The following KIF26B variants were observed in gnomAD, a reference collection of about 807,000 sequenced individuals.
KIF26B encodes the protein kinesin-like protein KIF26B.
Under a neutral mutation model 151.2 loss-of-function variants are expected in KIF26B, and 63 were observed. That is an observed-to-expected ratio of 0.42 (90% confidence interval 0.34 to 0.51). The LOEUF (loss-of-function observed/expected upper bound fraction) is 0.51. Ranked by LOEUF, KIF26B falls within the 20% of genes least tolerant of loss-of-function variation. The probability of loss-of-function intolerance (pLI) is 0.07; values close to 1 mark genes in which losing one functional copy is unlikely to be tolerated. For missense variants in KIF26B, 2,813 were observed against 2,913.6 expected, an observed-to-expected ratio of 0.97 and a Z score of 0.79; for synonymous variants, 1,357 against 1,262.1, an observed-to-expected ratio of 1.08 and a Z score of -1.59.
chr1:245,409,252 A>G (rs912521245), intron 3 of KIF26B, among the ~76,000 whole-genome samples: 1 of 152,204 alleles, frequency 6.6e-6, no homozygotes, highest in African/African-American at 2.4e-5. Flanking sequence ...CTTAAGCCAC[A>G]CATGTTGGAA....
At chr1:245,242,239 C>T (rs547194791) in intron 2 of KIF26B, among the ~76,000 whole-genome samples, 8 of 152,196 alleles carry the variant, frequency 5.3e-5, no homozygotes, top group South Asian at 2.1e-4. Flanking sequence ...CCTTCCCCCC[C>T]CAAAATAGGG....
At chr1:245,598,498 G>C (rs115318695) in intron 5 of KIF26B, among the ~76,000 whole-genome samples, 4 of 152,154 alleles carry the variant, frequency 2.6e-5, no homozygotes, top group African/African-American at 9.7e-5. Flanking sequence ...ATGTGGCTAC[G>C]CTCCGTGACG....
At chr1:245,485,959 C>T (rs150902957) in intron 4 of KIF26B, among the ~76,000 whole-genome samples, 2 of 152,276 alleles carry the variant, frequency 1.3e-5, no homozygotes, top group African/African-American at 2.4e-5. Context: ...GAGTATTTTT[C>T]GTGGTGGCAA....
intron 4 of KIF26B, among the ~76,000 whole-genome samples, chr1:245,439,233 G>C (rs192088): frequency 5.3e-5 from 8 of 151,990 alleles, no homozygotes; most frequent in Middle Eastern, 3.4e-3. Flanking sequence ...TGTAGTCCTA[G>C]CTGCTCTGGA....
chr1:245,472,696 G>C (rs1659941481), intron 4 of KIF26B, among the ~76,000 whole-genome samples: 1 of 152,174 alleles, frequency 6.6e-6, no homozygotes. Context: ...TCTTTCTCTG[G>C]CTCACTTCAC....
At chr1:245,551,820 G>T (rs553119090) in intron 5 of KIF26B, among the ~76,000 whole-genome samples, 2 of 152,240 alleles carry the variant, frequency 1.3e-5, no homozygotes, top group South Asian at 4.2e-4. Context: ...TCCTTGGGGA[G>T]GCTTTCCCTG....
At chr1:245,169,327 T>TGGTGTGTGGGTG (rs1553330288) in intron 2 of KIF26B, among the ~76,000 whole-genome samples, 10 of 135,420 alleles carry the variant, frequency 7.4e-5, no homozygotes, top group South Asian at 2.4e-4. Context: ...TAACGGGCCA[T>TGGTGTGTGGGTG]GGTGTGTGTG....
intron 5 of KIF26B, among the ~76,000 whole-genome samples, chr1:245,545,774 G>T (rs1661728723): frequency 6.9e-6 from 1 of 144,022 alleles, no homozygotes; most frequent in Non-Finnish European, 1.5e-5. Flanking sequence ...ATTCTAATCT[G>T]TTTGAAAACG....
intron 4 of KIF26B, among the ~76,000 whole-genome samples, chr1:245,425,354 C>T (rs1396772402): frequency 2.0e-5 from 3 of 152,080 alleles, no homozygotes. Context: ...TTTGGGTGAC[C>T]TCATATCTTT....
chr1:245,245,220 C>A (rs1300762393), intron 2 of KIF26B, among the ~76,000 whole-genome samples: 1 of 152,156 alleles, frequency 6.6e-6, no homozygotes, highest in African/African-American at 2.4e-5. Flanking sequence ...AGCGATCTGG[C>A]CTTTGTCCCT....
At position 245,366,948 on chromosome 1, in the gene KIF26B, T is replaced by A; in HGVS notation, c.580T>A (p.Leu194Met). ...CDICATHLNQ[L>M]KQEAIQMVLT... The stretch of plus-strand genomic sequence containing the variant: ...CATTTGCGCCACTCACCTGAACCAG[T>A]TGAAGCAGGAGGCCATCCAGATGGT... Residue 194 changes from leucine to methionine, a missense_variant, in exon 3 of 15, where the codon TTG becomes ATG. Around this residue, in one of 3 missense-constraint regions of KIF26B, gnomAD observed 676 missense variants for 688.1 expected, o/e 0.98. Transcript: ENST00000407071. 1.2e-6 allele frequency: 2 copies of A among 1,613,998 alleles called. No homozygotes were observed.
Position 245,708,877 on chromosome 1 carries a change from G to A in KIF26B, c.*6271G>A, listed in dbSNP as rs561524292. On this transcript the variant is annotated 3_prime_UTR_variant, in exon 15 of 15. Transcript: ENST00000407071. ...GAAATGGGCCCATTTGAAAAGTGGAGACAAGGTCTGCCCAGGTGCATTTAT... is the reference window on the plus strand; with the variant it reads ...GAAATGGGCCCATTTGAAAAGTGGAAACAAGGTCTGCCCAGGTGCATTTAT... 2.0e-4 allele frequency: 31 copies of A among 152,314 alleles called. No individual in the cohort carries two copies. The highest frequency in any genetic ancestry group is 6.2e-4 in the South Asian group (3 of 4,826). 9.4% of individuals were successfully genotyped at this position (152,314 alleles called of 1,614,324 possible).
At position 245,667,724 on chromosome 1, in the gene KIF26B, A is replaced by G. The variant is rs189743981; in HGVS notation, c.2259-16509A>G. On this transcript the variant is annotated intron_variant, in intron 10 of 14. Coordinates refer to ENST00000407071, the MANE Select transcript of KIF26B (RefSeq NM_018012.4). This position sits in a 1 kb window ranked among gnomAD's most constrained non-coding sequence, Gnocchi z 4.3. Reference sequence around the variant, plus strand: ...CTCCAGGAAGGAGGTGGCAGGAGTGACATTTGGGCCATCCAGGCAACTCAC... The same window carrying G: ...CTCCAGGAAGGAGGTGGCAGGAGTGGCATTTGGGCCATCCAGGCAACTCAC... Among the ~76,000 whole-genome samples, 370 of 152,308 alleles carry G rather than the reference A, an allele frequency of 2.4e-3. 1 individual carries two copies. Among genetic ancestry groups the G allele is most frequent in the Middle Eastern group, 6.8e-3 (2 of 294 alleles).
At chr1:245,382,859 C>T (rs1004883272) in intron 3 of KIF26B, among the ~76,000 whole-genome samples, 1 of 151,718 alleles carries the variant, frequency 6.6e-6, no homozygotes, top group Non-Finnish European at 1.5e-5. Flanking sequence ...TGAGCCACCA[C>T]TCCTGGCTAG....
At chr1:245,426,970 C>T (rs1352209041) in intron 4 of KIF26B, among the ~76,000 whole-genome samples, 2 of 152,196 alleles carry the variant, frequency 1.3e-5, no homozygotes, top group Admixed American at 6.5e-5. Context: ...AACAGTGGTA[C>T]TTGGTTATAT....
At chr1:245,302,700 T>C (rs148846733) in intron 2 of KIF26B, among the ~76,000 whole-genome samples, 216 of 152,214 alleles carry the variant, frequency 1.4e-3, no homozygotes, top group African/African-American at 4.9e-3. Flanking sequence ...GCAATATAAA[T>C]GGCAAATGTG....
intron 4 of KIF26B, among the ~76,000 whole-genome samples, chr1:245,480,144 T>C (rs1482289755): frequency 6.6e-6 from 1 of 151,394 alleles, no homozygotes; most frequent in Non-Finnish European, 1.5e-5. Context: ...CCTAGTGTGG[T>C]AGCATGCACC....
At chr1:245,395,855 A>G (rs1366147986) in intron 3 of KIF26B, among the ~76,000 whole-genome samples, 1 of 152,148 alleles carries the variant, frequency 6.6e-6, no homozygotes, top group African/African-American at 2.4e-5. Context: ...TGACATTTAC[A>G]TCCTTCCTTG....
chr1:245,596,371 T>A (rs547949732), intron 5 of KIF26B, among the ~76,000 whole-genome samples: 1 of 152,344 alleles, frequency 6.6e-6, no homozygotes, highest in African/African-American at 2.4e-5. Flanking sequence ...TTTGTGCTCA[T>A]TGGTTTCAAA....
Sources: gnomAD v4.1 joint callset for allele counts (sites outside exome capture counted in the v4.1 genomes callset) on GRCh38, gnomAD v4.1.1 for gene constraint, gnomAD v4.1.1 regional missense constraint, Gnocchi (gnomAD v3.1) non-coding constraint, MANE v1.5 for transcripts, NCBI Gene and HGNC (gene_info 2026-07-23, HGNC 2026-07-21) for gene names.